FGR: variants seen among roughly 807,000 people sequenced by gnomAD.
FGR encodes the protein FGR proto-oncogene, Src family tyrosine kinase, also known as tyrosine-protein kinase Fgr.
In FGR, 26 loss-of-function variants were observed where a neutral mutation model predicts 63.2. The ratio of observed to expected loss-of-function variants is 0.41; its 90% CI spans 0.30 to 0.57. The LOEUF is 0.57. Ranked by LOEUF, FGR falls within the 20% of genes least tolerant of loss-of-function variation. The pLI is 0.27. For missense variants in FGR, 511 were observed against 690.8 expected (o/e 0.74, Z 2.92); for synonymous variants, 286 against 277.7 (o/e 1.03, Z -0.30).
chr1:27,632,417 C>T (rs1328798085), intron 1 of FGR, among the ~76,000 whole-genome samples: 1 of 152,112 alleles, frequency 6.6e-6, no homozygotes, highest in Non-Finnish European at 1.5e-5. Context: ...GGATTACAGG[C>T]GTGAGCCACC....
intron 10 of FGR, 113 bp from the exon 11 acceptor site, chr1:27,614,696 G>A (rs2089766542): frequency 1.4e-6 from 2 of 1,394,056 alleles, no homozygotes; most frequent in Admixed American, 4.1e-5. Context: ...GGGAGACTGA[G>A]GCCCAGAAAG....
intron 1 of FGR, chr1:27,626,207 C>T (rs1350078340): frequency 2.5e-6 from 1 of 398,574 alleles, no homozygotes; most frequent in Non-Finnish European, 4.4e-6. Context: ...TCCCCCACAC[C>T]CTGCCAGAAA....
In FGR at chr1:27,615,646, C is replaced by G. The variant is rs2089793304; in HGVS notation, c.839-33G>C. ...GAGGCTGTCTTGTCAGGACCCTCTC[C>G]CCCGAGCCCAGGCCCTCGTCCCGGC... is the stretch of plus-strand genomic sequence containing the variant. On this transcript the variant is annotated intron_variant, in intron 8 of 12. Transcript: ENST00000374005. The surrounding 1 kb of genome is among the most constrained non-coding windows in gnomAD (Gnocchi z 7.6). 2 of 1,595,240 alleles carry G rather than the reference C, an allele frequency of 1.3e-6. No homozygotes were observed. The highest frequency in any genetic ancestry group is 4.5e-5 in the East Asian group (2 of 44,264).
At position 27,619,774 on chromosome 1, in the gene FGR, C is replaced by G. The variant is rs774461406; in HGVS notation, c.428+1785G>C. ...ACAAGTACCCCCTAGAACTCATGAA[C>G]TTATACCTGCTCCTGTGTTTCCCGC... is the stretch of plus-strand genomic sequence containing the variant. On this transcript the variant is annotated intron_variant, in intron 5 of 12. Coordinates refer to ENST00000374005, the MANE Select transcript of FGR (RefSeq NM_005248.3). Among the ~76,000 whole-genome samples, 38 of 152,330 alleles carry G rather than the reference C, an allele frequency of 2.5e-4. No homozygotes were observed. In the Middle Eastern group the frequency reaches 0.024, roughly 95 times the overall value.
chr1:27,630,356 T>C (rs2090088912), intron 1 of FGR, among the ~76,000 whole-genome samples: 1 of 152,032 alleles, frequency 6.6e-6, no homozygotes, highest in African/African-American at 2.4e-5. Context: ...CCCGGCCTTT[T>C]TTGCAATTTT....
intron 1 of FGR, among the ~76,000 whole-genome samples, chr1:27,634,232 C>G (rs893678948): frequency 3.3e-5 from 5 of 152,210 alleles, no homozygotes; most frequent in Admixed American, 6.5e-5. Flanking sequence ...CACTCGCGGT[C>G]AAAGGCAGGA....
Position 27,617,264 on chromosome 1 carries a change from G to A in FGR, c.461C>T (p.Ala154Val), listed in dbSNP as rs1233561855. 1.9e-6 allele frequency: 3 copies of A among 1,614,070 alleles called. No homozygotes were observed. Among genetic ancestry groups the A allele is most frequent in the Non-Finnish European group, 2.5e-6 (3 of 1,179,970 alleles). Residue 154 changes from alanine to valine, a missense_variant, in exon 6 of 13, where the codon GCA becomes GTA. Ala to Val is a moderately conservative substitution (Grantham distance 64). Coordinates refer to ENST00000374005, the MANE Select transcript of FGR (RefSeq NM_005248.3). This position sits in a 1 kb window ranked among gnomAD's most constrained non-coding sequence, Gnocchi z 4.5. ...GCCTGGTGAAAGCAGCTGCCTCTCT[G>A]CATCCTTTCTCCCAATCTTTCCAAA... ...WYFGKIGRKD[A>V]ERQLLSPGNP... is the part of the protein sequence containing the mutation.
rs1475015298 is a variant in FGR, at chr1:27,613,418, G to A, written c.1250-68C>T. The A allele has an allele frequency of 1.9e-6, 3 of 1,573,488 alleles. No individual in the cohort carries two copies. In the African/African-American group the frequency reaches 4.0e-5, roughly 21 times the overall value. On this transcript the variant is annotated intron_variant, in intron 11 of 12. Coordinates refer to ENST00000374005, the MANE Select transcript of FGR (RefSeq NM_005248.3). ...CTGGAAACAGCTGGATTAAGAGAATGGGGTCTGGGCGCAGTGGCTCACGTC... is the reference window on the plus strand; with the variant it reads ...CTGGAAACAGCTGGATTAAGAGAATAGGGTCTGGGCGCAGTGGCTCACGTC...
At chr1:27,632,751 G>T (rs535789807) in intron 1 of FGR, among the ~76,000 whole-genome samples, 2 of 152,104 alleles carry the variant, frequency 1.3e-5, no homozygotes, top group Admixed American at 6.5e-5. Flanking sequence ...GCGGCGGGGG[G>T]CGGGGGTCCA....
intron 1 of FGR, among the ~76,000 whole-genome samples, chr1:27,625,422 G>T (rs377582277): frequency 6.6e-6 from 1 of 152,146 alleles, no homozygotes; most frequent in Non-Finnish European, 1.5e-5. Context: ...ATATTTGCAT[G>T]AGTGTGCGTG....
At chr1:27,622,366 T>C (rs934401913) in intron 4 of FGR, among the ~76,000 whole-genome samples, 3 of 150,918 alleles carry the variant, frequency 2.0e-5, no homozygotes, top group African/African-American at 7.3e-5. Flanking sequence ...CCATTCTGCA[T>C]CCCATATTTT....
chr1:27,634,137 A>G lies in FGR; in HGVS notation c.-77+928T>C, dbSNP rs931435445. Among the ~76,000 whole-genome samples, 8 of 139,662 alleles carry G rather than the reference A, an allele frequency of 5.7e-5. No homozygotes were observed. In the Middle Eastern group the frequency reaches 0.018, roughly 316 times the overall value. The allele number at this position is 139,662 out of a possible 152,430, so 91.6% of individuals were successfully genotyped here. ...ATTCCAAAAGGGGGCGAAGGCGGAG[A>G]GCAAAGGGGGCTGCGCCCACCCGGA... On this transcript the variant is annotated intron_variant, in intron 1 of 12. Coordinates refer to ENST00000374005, the MANE Select transcript of FGR (RefSeq NM_005248.3).
At chr1:27,634,401 C>T (rs2090149816) in intron 1 of FGR, among the ~76,000 whole-genome samples, 1 of 152,170 alleles carries the variant, frequency 6.6e-6, no homozygotes, top group African/African-American at 2.4e-5. Context: ...CAGGAGTCCC[C>T]TGCAGCCCGG....
Position 27,617,240 on chromosome 1 carries a change from C to T in FGR, c.485G>A (p.Gly162Asp). Residue 162 changes from glycine to aspartate, a missense_variant, in exon 6 of 13, where the codon GGC becomes GAC. Physicochemically the swap from Gly to Asp is moderately conservative, Grantham distance 94. Transcript: ENST00000374005. The surrounding 1 kb of genome is among the most constrained non-coding windows in gnomAD (Gnocchi z 4.5). ...AATGAGAAAGGCCCCCTGGGGGTTG[C>T]CTGGTGAAAGCAGCTGCCTCTCTGC... ...KDAERQLLSP[G>D]NPQGAFLIRE... is the part of the protein sequence containing the mutation. The T allele has an allele frequency of 1.9e-6, 3 of 1,614,174 alleles. No individual in the cohort carries two copies. The highest frequency in any genetic ancestry group is 4.5e-5 in the East Asian group (2 of 44,878).
chr1:27,620,266 A>G (rs890460905), intron 5 of FGR, among the ~76,000 whole-genome samples: 3 of 152,144 alleles, frequency 2.0e-5, no homozygotes, highest in African/African-American at 7.2e-5. Flanking sequence ...GCAGTGAGCC[A>G]AGATTACGCC....
intron 4 of FGR, among the ~76,000 whole-genome samples, chr1:27,622,477 T>G (rs2089948106): frequency 6.6e-6 from 1 of 151,876 alleles, no homozygotes; most frequent in Non-Finnish European, 1.5e-5. Context: ...TCCTTCACTG[T>G]CTATTCATTT....
intron 2 of FGR, among the ~76,000 whole-genome samples, chr1:27,624,844 TTG>T (rs2089993251): frequency 6.6e-6 from 1 of 152,014 alleles, no homozygotes; most frequent in Admixed American, 6.6e-5. Context: ...CTGCGCATGT[TTG>T]TGTGTGAGTG....
chr1:27,622,904 C>T (rs1228662384), intron 4 of FGR, 138 bp downstream of exon 4: 3 of 647,950 alleles, frequency 4.6e-6, no homozygotes, highest in Non-Finnish European at 8.5e-6. Context: ...CAGTTGCAGT[C>T]ACCCAGGGTT....
rs1343869506 is a variant in FGR at position 27,614,944 on chromosome 1, A to C, written c.1019-18T>G. Reference sequence around the variant, plus strand: ...CAAGCTGCCTGGGAAGAAGCCAGAAAGTCAGCGGCAAAGCCCTACCCCGGG... The same window carrying C: ...CAAGCTGCCTGGGAAGAAGCCAGAACGTCAGCGGCAAAGCCCTACCCCGGG... On this transcript the variant is annotated intron_variant, in intron 9 of 12. Transcript: ENST00000374005. 1 of 1,584,952 alleles carries C rather than the reference A, an allele frequency of 6.3e-7. No individual in the cohort carries two copies. The highest frequency in any genetic ancestry group is 2.3e-5 in the East Asian group (1 of 43,766).
Sources: gnomAD v4.1 joint callset for allele counts (sites outside exome capture counted in the v4.1 genomes callset) on GRCh38, gnomAD v4.1.1 for gene constraint, Gnocchi (gnomAD v3.1) non-coding constraint, MANE v1.5 for transcripts, NCBI Gene and HGNC (gene_info 2026-07-23, HGNC 2026-07-21) for gene names.